The following L3MBTL4 variants were observed in gnomAD, a reference collection of about 807,000 sequenced individuals.
L3MBTL4 encodes the protein L3MBTL histone methyl-lysine binding protein 4, also known as lethal(3)malignant brain tumor-like protein 4.
In L3MBTL4, 70 loss-of-function variants were observed where a neutral mutation model predicts 84.5. The observed-to-expected ratio is 0.83, with a 90% CI of 0.68 to 1.01. L3MBTL4 has a LOEUF of 1.01. L3MBTL4 is among the 50% of genes least tolerant of loss of function. The pLI is 0.00. For missense variants in L3MBTL4, 715 were observed against 754.8 expected (o/e 0.95, Z 0.62); for synonymous variants, 274 against 259.8 (o/e 1.05, Z -0.52).
chr18:6,304,663 C>G (rs534007809), intron 3 of L3MBTL4, among the ~76,000 whole-genome samples: 3 of 152,330 alleles, frequency 2.0e-5, no homozygotes, highest in South Asian at 4.1e-4. Context: ...CCCTGTTCTA[C>G]TGCAAGTGAG....
At chr18:6,128,510 G>C (rs2059774657) in intron 14 of L3MBTL4, among the ~76,000 whole-genome samples, 1 of 152,026 alleles carries the variant, frequency 6.6e-6, no homozygotes, top group African/African-American at 2.4e-5. Context: ...ATAGAGCGTG[G>C]GAAGAGGAAC....
At chr18:6,107,013 T>C (rs1351486365) in intron 14 of L3MBTL4, among the ~76,000 whole-genome samples, 2 of 152,224 alleles carry the variant, frequency 1.3e-5, no homozygotes, top group East Asian at 1.9e-4. Context: ...TATAATTATG[T>C]ATATGTTTAA....
chr18:6,222,186 C>T (rs997649442), intron 10 of L3MBTL4, among the ~76,000 whole-genome samples: 2 of 152,078 alleles, frequency 1.3e-5, no homozygotes, highest in African/African-American at 4.8e-5. Flanking sequence ...ATCTTTCTGG[C>T]AAAAGAACAT....
intron 1 of L3MBTL4, among the ~76,000 whole-genome samples, chr18:6,335,153 C>T (rs1027455859): frequency 1.3e-5 from 2 of 152,200 alleles, no homozygotes; most frequent in African/African-American, 2.4e-5. Context: ...TGCAGTGGCA[C>T]GATATCAGCT....
intron 1 of L3MBTL4, among the ~76,000 whole-genome samples, chr18:6,412,705 T>G (rs1265244910): frequency 6.6e-6 from 1 of 152,074 alleles, no homozygotes; most frequent in African/African-American, 2.4e-5. Context: ...GAGTATTTGT[T>G]GAGCATGCAC....
chr18:6,188,376 G>A (rs1195813714), intron 12 of L3MBTL4, among the ~76,000 whole-genome samples: 1 of 151,228 alleles, frequency 6.6e-6, no homozygotes, highest in Non-Finnish European at 1.5e-5. Flanking sequence ...GATATTTTAG[G>A]GAGTTCTGCT....
intron 12 of L3MBTL4, among the ~76,000 whole-genome samples, chr18:6,196,295 C>T (rs1056230635): frequency 2.6e-5 from 4 of 151,884 alleles, no homozygotes; most frequent in East Asian, 1.9e-4. Context: ...GTAGCTGGGA[C>T]TACAGGCGCC....
chr18:6,186,009 ATTT>A (rs1187999909), intron 12 of L3MBTL4, among the ~76,000 whole-genome samples: 1 of 148,116 alleles, frequency 6.8e-6, no homozygotes, highest in Non-Finnish European at 1.5e-5. Flanking sequence ...TTTATATTTT[ATTT>A]TATTTTATTT....
intron 13 of L3MBTL4, among the ~76,000 whole-genome samples, chr18:6,151,598 T>C (rs990821416): frequency 1.3e-5 from 2 of 152,258 alleles, no homozygotes; most frequent in Admixed American, 6.5e-5. Context: ...TTTCACCATG[T>C]TGTCCAGGCA....
intron 16 of L3MBTL4, among the ~76,000 whole-genome samples, chr18:6,004,193 A>G (rs2054354577): frequency 6.6e-6 from 1 of 152,204 alleles, no homozygotes; most frequent in Non-Finnish European, 1.5e-5. Flanking sequence ...GAAAGTGAGG[A>G]TATTCATACT....
intron 16 of L3MBTL4, among the ~76,000 whole-genome samples, chr18:6,052,806 A>G (rs8090152): frequency 0.21 from 32,668 of 152,222 alleles, 3,775 homozygotes; most frequent in Middle Eastern, 0.28. Flanking sequence ...AAGAATTCCA[A>G]CACTGCTAGT....
chr18:6,346,037 T>C (rs529446511), intron 1 of L3MBTL4, among the ~76,000 whole-genome samples: 26 of 150,466 alleles, frequency 1.7e-4, no homozygotes, highest in African/African-American at 6.1e-4. Context: ...AGTCAACTAA[T>C]TTTTTGACAA....
chr18:6,329,151 CTTTTTTTTT>C (rs992694853), intron 1 of L3MBTL4, among the ~76,000 whole-genome samples: 10 of 126,558 alleles, frequency 7.9e-5, no homozygotes, highest in African/African-American at 3.0e-4. Flanking sequence ...TTTTTCTTTT[CTTTTTTTTT>C]TTTTTTTTTT....
chr18:6,151,955 G>T (rs1391457749), intron 13 of L3MBTL4, among the ~76,000 whole-genome samples: 1 of 152,104 alleles, frequency 6.6e-6, no homozygotes, highest in African/African-American at 2.4e-5. Flanking sequence ...GACTTTTTTA[G>T]ATTTCATATA....
chr18:6,400,369 A>G (rs1373748289), intron 1 of L3MBTL4, among the ~76,000 whole-genome samples: 1 of 152,158 alleles, frequency 6.6e-6, no homozygotes. Context: ...CAGAAAGTCC[A>G]GGGGTTATAT....
At chr18:6,378,458 T>C (rs1246918396) in intron 1 of L3MBTL4, among the ~76,000 whole-genome samples, 2 of 152,168 alleles carry the variant, frequency 1.3e-5, no homozygotes, top group Admixed American at 6.6e-5. Flanking sequence ...CCAGGTCTTA[T>C]GTTTAAGTTT....
intron 1 of L3MBTL4, among the ~76,000 whole-genome samples, chr18:6,384,572 A>C (rs966819926): frequency 2.0e-5 from 3 of 152,238 alleles, no homozygotes; most frequent in African/African-American, 7.2e-5. Context: ...ACTATTTCTA[A>C]CAATGCCGCA....
chr18:6,406,185 G>T (rs2055727378), intron 1 of L3MBTL4, among the ~76,000 whole-genome samples: 1 of 152,212 alleles, frequency 6.6e-6, no homozygotes, highest in African/African-American at 2.4e-5. Flanking sequence ...CTGGAACCTG[G>T]TGAGGAAGGC....
intron 13 of L3MBTL4, among the ~76,000 whole-genome samples, chr18:6,138,644 C>G (rs946267738): frequency 6.6e-6 from 1 of 152,084 alleles, no homozygotes; most frequent in Non-Finnish European, 1.5e-5. Flanking sequence ...CTCTGCCTCC[C>G]GAGTTCAAGC....
Sources: gnomAD v4.1 joint callset for allele counts (sites outside exome capture counted in the v4.1 genomes callset) on GRCh38, gnomAD v4.1.1 for gene constraint, MANE v1.5 for transcripts, NCBI Gene and HGNC (gene_info 2026-07-23, HGNC 2026-07-21) for gene names.